ANKRD29: variants seen among roughly 807,000 people sequenced by gnomAD.
ANKRD29 encodes the protein ankyrin repeat domain 29, also known as ankyrin repeat domain-containing protein 29.
Under a neutral mutation model 38.0 loss-of-function variants are expected in ANKRD29, and 32 were observed. The ratio of observed to expected loss-of-function variants is 0.84; its 90% CI spans 0.64 to 1.13. The LOEUF (loss-of-function observed/expected upper bound fraction) is 1.13. Ranked by LOEUF, ANKRD29 falls within the 50% of genes most tolerant of loss-of-function variation. The pLI, the probability that ANKRD29 is intolerant of heterozygous loss-of-function variation, is 0.00. For synonymous variants in ANKRD29, 135 were observed against 152.4 expected (o/e 0.89, Z 0.84); for missense variants, 357 against 377.9 (o/e 0.94, Z 0.46).
intron 1 of ANKRD29, among the ~76,000 whole-genome samples, chr18:23,651,287 A>C (rs143331585): frequency 1.3e-5 from 2 of 152,308 alleles, no homozygotes; most frequent in East Asian, 3.9e-4. Context: ...CAGATGAACA[A>C]TTTGCCTTTC....
intron 4 of ANKRD29, among the ~76,000 whole-genome samples, chr18:23,638,443 G>A (rs913433475): frequency 6.6e-6 from 1 of 152,044 alleles, no homozygotes; most frequent in African/African-American, 2.4e-5. Context: ...AGATCTAGTA[G>A]GATCAGATTA....
rs2060388013 is a variant in ANKRD29, at chr18:23,662,907, G to A, written c.-177C>T. On this transcript the variant is annotated 5_prime_UTR_variant, in exon 1 of 10. Coordinates refer to ENST00000592179, the MANE Select transcript of ANKRD29 (RefSeq NM_173505.4). ...GCACACAGGGCCGGGCCGAAGGGGC[G>A]GCGCGGGGGCGCGCGCGCGCGCACA... 2 of 297,212 alleles carry A rather than the reference G, an allele frequency of 6.7e-6. No homozygotes were observed. Among genetic ancestry groups the A allele is most frequent in the South Asian group, 1.3e-4 (1 of 7,680 alleles). 18.4% of individuals were successfully genotyped at this position (297,212 alleles called of 1,614,324 possible). A position where few individuals can be genotyped will look rare whatever the true frequency, so the allele number is the denominator to read the frequency against.
At chr18:23,624,576 T>TA (rs1386722495) in intron 6 of ANKRD29, among the ~76,000 whole-genome samples, 2 of 149,372 alleles carry the variant, frequency 1.3e-5, no homozygotes, top group Non-Finnish European at 3.0e-5. Context: ...TGTGTGTGTA[T>TA]ATCAAGTAGA....
intron 1 of ANKRD29, among the ~76,000 whole-genome samples, chr18:23,650,861 G>C (rs1282324542): frequency 6.6e-6 from 1 of 152,032 alleles, no homozygotes; most frequent in African/African-American, 2.4e-5. Flanking sequence ...CCAGAGTATT[G>C]GTACTAATAA....
At chr18:23,648,935 A>G (rs764498711) in intron 2 of ANKRD29, 148 bp downstream of exon 2, 1 of 657,962 alleles carries the variant, frequency 1.5e-6, no homozygotes, top group East Asian at 2.9e-5. Context: ...AGTTCACCAC[A>G]GTACCTTGGA....
At chr18:23,655,606 G>A (rs1015095559) in intron 1 of ANKRD29, among the ~76,000 whole-genome samples, 1 of 151,582 alleles carries the variant, frequency 6.6e-6, no homozygotes, top group Non-Finnish European at 1.5e-5. Context: ...CACAACGCCT[G>A]GCTAATTTTC....
chr18:23,661,449 T>C (rs965419157), intron 1 of ANKRD29, among the ~76,000 whole-genome samples: 2 of 152,254 alleles, frequency 1.3e-5, no homozygotes, highest in African/African-American at 2.4e-5. Flanking sequence ...CTCACGCCTT[T>C]AACCCCAGCA....
At chr18:23,646,102 C>T in intron 3 of ANKRD29, 87 bp downstream of exon 3, 2 of 1,233,290 alleles carry the variant, frequency 1.6e-6, no homozygotes, top group Non-Finnish European at 2.3e-6. Context: ...GCAATGATGG[C>T]TCTTGTCCCC....
Position 23,612,140 on chromosome 18 carries a change from T to C in ANKRD29, c.774A>G (p.Thr258=). ...CCCCTGCTTCTAGGAGCAGCGCAACTGTTTTAATGTTTCCACTGAGCACTG... is the reference window on the plus strand; with the variant it reads ...CCCCTGCTTCTAGGAGCAGCGCAACCGTTTTAATGTTTCCACTGAGCACTG... The part of the protein sequence containing the change: ...HAAVLSGNIK[T]VALLLEAGAD... Residue 258 remains threonine (T), a synonymous_variant, in exon 9 of 10, where the codon ACA becomes ACG. Transcript: ENST00000592179. 1.2e-6 allele frequency: 2 copies of C among 1,614,014 alleles called. No homozygotes were observed. The highest frequency in any genetic ancestry group is 1.7e-6 in the Non-Finnish European group (2 of 1,179,988).
chr18:23,601,550 TAGG>T (rs2059512599), intron 9 of ANKRD29, among the ~76,000 whole-genome samples: 1 of 152,222 alleles, frequency 6.6e-6, no homozygotes, highest in Non-Finnish European at 1.5e-5. Context: ...TGTAATCTCT[TAGG>T]GGGAAGGGTC....
At chr18:23,656,080 G>A (rs1328656410) in intron 1 of ANKRD29, among the ~76,000 whole-genome samples, 8 of 142,966 alleles carry the variant, frequency 5.6e-5, no homozygotes, top group African/African-American at 1.1e-4. Context: ...GCGACAGAGC[G>A]AGACTCCGTC....
In ANKRD29 at chr18:23,649,089, T is replaced by G. The variant is rs746099002; in HGVS notation, c.126A>C (p.Arg42Ser). The G allele has an allele frequency of 1.9e-5, 30 of 1,613,920 alleles. 4 individuals are homozygous for G. In the South Asian group the frequency reaches 3.3e-4, roughly 18 times the overall value. Residue 42 changes from arginine (R) to serine (S), a missense_variant, in exon 2 of 10, where the codon AGA becomes AGC. Coordinates refer to ENST00000592179, the MANE Select transcript of ANKRD29 (RefSeq NM_173505.4). Reference sequence around the variant, plus strand: ...ATCTACCGAACCACCGTACGCTGTCTCTGCAGTCCACGTCCACCCGGCCGC... The same window carrying G: ...ATCTACCGAACCACCGTACGCTGTCGCTGCAGTCCACGTCCACCCGGCCGC... ...LNSGRVDVDC[R>S]DSHGTTLLMV...
intron 6 of ANKRD29, among the ~76,000 whole-genome samples, chr18:23,620,405 T>G (rs1433305748): frequency 1.3e-5 from 2 of 152,060 alleles, no homozygotes; most frequent in Non-Finnish European, 2.9e-5. Context: ...GAGGTGGAGA[T>G]ATATTGCTTC....
At chr18:23,649,277 AAAG>A (rs768707061) in intron 1 of ANKRD29, 84 bp from the exon 2 acceptor site, 27 of 965,730 alleles carry the variant, frequency 2.8e-5, no homozygotes, top group Non-Finnish European at 4.3e-5. Flanking sequence ...TAACATTCAG[AAAG>A]AAGAACATCC....
chr18:23,612,047 C>T, intron 9 of ANKRD29, 45 bp downstream of exon 9: 1 of 1,553,798 alleles, frequency 6.4e-7, no homozygotes, highest in African/African-American at 1.4e-5. Context: ...CCTAGGAGGA[C>T]ACATCAATGG....
chr18:23,644,868 T>A (rs1305882053), intron 3 of ANKRD29, among the ~76,000 whole-genome samples: 1 of 152,204 alleles, frequency 6.6e-6, no homozygotes, highest in African/African-American at 2.4e-5. Flanking sequence ...CATGTCTGGC[T>A]AAATTTTTAA....
intron 6 of ANKRD29, among the ~76,000 whole-genome samples, chr18:23,626,117 G>A (rs1017449168): frequency 1.3e-5 from 2 of 152,160 alleles, no homozygotes; most frequent in East Asian, 1.9e-4. Context: ...AGGATTCTAC[G>A]CTAATCTTTT....
At chr18:23,619,705 A>G in intron 6 of ANKRD29, 76 bp from the exon 7 acceptor site, 1 of 1,305,014 alleles carries the variant, frequency 7.7e-7, no homozygotes, top group Non-Finnish European at 1.0e-6. Flanking sequence ...CTTTAACACC[A>G]GGGGTCTGAA....
intron 4 of ANKRD29, among the ~76,000 whole-genome samples, chr18:23,638,283 A>C (rs1342761015): frequency 6.6e-6 from 1 of 152,128 alleles, no homozygotes; most frequent in Non-Finnish European, 1.5e-5. Flanking sequence ...TACAGGCATG[A>C]ACCACCGCGC....
Sources: gnomAD v4.1 joint callset for allele counts (sites outside exome capture counted in the v4.1 genomes callset) on GRCh38, gnomAD v4.1.1 for gene constraint, MANE v1.5 for transcripts, NCBI Gene and HGNC (gene_info 2026-07-23, HGNC 2026-07-21) for gene names.